Variants in SNU13 observed in about 807,000 individuals in gnomAD.
SNU13 encodes NHP2-like protein 1.
Under a neutral mutation model 12.4 loss-of-function variants are expected in SNU13, and 2 were observed. The ratio of observed to expected loss-of-function variants is 0.16; its 90% CI spans 0.07 to 0.51. SNU13 has a LOEUF of 0.51. Among genes scored for constraint, SNU13 ranks in the 20% least tolerant of loss-of-function variants. SNU13 has a pLI of 0.96. For missense variants in SNU13, 66 were observed against 157.8 expected (o/e 0.42, Z 3.12); for synonymous variants, 68 against 66.5 (o/e 1.02, Z -0.11).
At chr22:41,687,425 A>G (rs1601577570) in intron 1 of SNU13, among the ~76,000 whole-genome samples, 1 of 152,344 alleles carries the variant, frequency 6.6e-6, no homozygotes, top group East Asian at 1.9e-4. Flanking sequence ...CAAATTCATA[A>G]AAGAGGAAGA....
chr22:41,687,087 G>A (rs150122580), intron 1 of SNU13, among the ~76,000 whole-genome samples: 2,347 of 151,860 alleles, frequency 0.015, 45 homozygotes, highest in Admixed American at 0.058. Context: ...CTCCCAAGTA[G>A]CTGGGATTAC....
At chr22:41,679,578 A>C (rs533551457) in intron 2 of SNU13, 1 of 151,936 alleles carries the variant, frequency 6.6e-6, no homozygotes, top group Admixed American at 6.6e-5. Context: ...ATAAATAAAT[A>C]AAATAAAATT....
rs1315376495 is a variant in SNU13 at position 41,675,184 on chromosome 22, G to A, written c.136C>T (p.Leu46Phe). 6.2e-7 allele frequency: 1 copy of A among 1,613,496 alleles called. No homozygotes were observed. The highest frequency in any genetic ancestry group is 1.1e-5 in the South Asian group (1 of 91,072). ...ATGAACTCAGAGATGCCCCTGTTGA[G>A]GGTTTTGGTGGCTGCGGAGAGAAGG... ...RKGANEATKT[L>F]NRGISEFIVM... Residue 46 changes from leucine to phenylalanine, a missense_variant, in exon 3 of 3, where the codon CTC becomes TTC. Coordinates refer to ENST00000401959, the MANE Select transcript of SNU13 (RefSeq NM_001003796.2).
At position 41,674,116 on chromosome 22, in the gene SNU13, T is replaced by G. The variant is rs1294876214; in HGVS notation, c.*817A>C. ...GTCCCATTCACCAGAGACAGGCTGT[T>G]TCCTTGGACTCCACCATCTCTGTTA... On this transcript the variant is annotated 3_prime_UTR_variant, in exon 3 of 3. Transcript: ENST00000401959. 6.6e-6 allele frequency: 1 copy of G among 152,256 alleles called. No individual in the cohort carries two copies. The highest frequency in any genetic ancestry group is 2.4e-5 in the African/African-American group (1 of 41,448). The allele number at this position is 152,256 out of a possible 1,614,324, so 9.4% of individuals were successfully genotyped here.
intron 2 of SNU13, among the ~76,000 whole-genome samples, chr22:41,678,852 T>C (rs769315511): frequency 8.5e-5 from 13 of 152,210 alleles, no homozygotes; most frequent in African/African-American, 1.4e-4. Context: ...GCGATTGTAA[T>C]AGTTCTCCTA....
intron 1 of SNU13, chr22:41,682,602 G>A (rs2068274723): frequency 7.0e-6 from 10 of 1,424,990 alleles, no homozygotes; most frequent in Non-Finnish European, 9.2e-6. Context: ...GAAGAATTAG[G>A]TGAAGGATGG....
chr22:41,688,444 T>C (rs1478891079), intron 1 of SNU13: 1 of 282,952 alleles, frequency 3.5e-6, no homozygotes, highest in Non-Finnish European at 6.5e-6. Flanking sequence ...AAAAAAAAAG[T>C]TGGAGCCAAG....
intron 1 of SNU13, chr22:41,682,434 G>A (rs2068272576): frequency 1.2e-6 from 2 of 1,611,210 alleles, no homozygotes; most frequent in Non-Finnish European, 8.5e-7. Context: ...CTGCTGCCCA[G>A]CACCGCAAGG....
At chr22:41,688,396 C>G (rs1461026680) in intron 1 of SNU13, 1 of 173,140 alleles carries the variant, frequency 5.8e-6, no homozygotes, top group Non-Finnish European at 1.2e-5. Flanking sequence ...TCCCAGGGTC[C>G]CACGCCATCG....
Position 41,675,003 on chromosome 22 carries a change from A to T in SNU13, c.317T>A (p.Ile106Asn), listed in dbSNP as rs2068199021. ...CTGTTTCAGCTGCGAGCCTTCTTTG[A>T]TGGTGACAGAACAGGCGATGACAGG... ...SRPVIACSVTIKEGSQLKQQI... is the reference protein window; with the variant it reads ...SRPVIACSVTNKEGSQLKQQI... The change falls in exon 3 of 3, where the codon ATC (isoleucine) becomes AAC (asparagine). Residue 106 changes from isoleucine (I) to asparagine (N), a missense_variant. By Grantham distance (149) the Ile-to-Asn change is moderately radical. Transcript: ENST00000401959. 6.2e-7 allele frequency: 1 copy of T among 1,614,042 alleles called. No homozygotes were observed. Among genetic ancestry groups the T allele is most frequent in the African/African-American group, 1.3e-5 (1 of 74,910 alleles).
intron 2 of SNU13, among the ~76,000 whole-genome samples, 173 bp from the exon 3 acceptor site, chr22:41,675,368 T>C (rs181157497): frequency 2.6e-5 from 4 of 152,172 alleles, no homozygotes; most frequent in African/African-American, 9.6e-5. Flanking sequence ...TCTCAAGCCC[T>C]ACATTAAATC....
chr22:41,685,598 C>T (rs1601576104), intron 1 of SNU13, among the ~76,000 whole-genome samples: 2 of 151,410 alleles, frequency 1.3e-5, no homozygotes, highest in Admixed American at 6.6e-5. Flanking sequence ...GTGATCCGCC[C>T]ACCTCAGCCT....
intron 1 of SNU13, 61 bp downstream of exon 1, chr22:41,688,733 G>T (rs2068333512): frequency 6.3e-7 from 1 of 1,590,274 alleles, no homozygotes; most frequent in Non-Finnish European, 8.6e-7. Context: ...TAACAGGCTA[G>T]GGAGTGAACG....
At chr22:41,685,279 G>A (rs1188318531) in intron 1 of SNU13, among the ~76,000 whole-genome samples, 4 of 151,940 alleles carry the variant, frequency 2.6e-5, no homozygotes, top group African/African-American at 7.3e-5. Flanking sequence ...GGGCTCAAGC[G>A]ATCCTCCTGC....
chr22:41,683,794 C>A (rs541270437), intron 1 of SNU13, among the ~76,000 whole-genome samples: 3 of 152,216 alleles, frequency 2.0e-5, no homozygotes, highest in Non-Finnish European at 4.4e-5. Context: ...ACTTTGACAA[C>A]AGTGTCAAAC....
intron 1 of SNU13, among the ~76,000 whole-genome samples, chr22:41,686,721 G>A (rs1033715566): frequency 2.7e-5 from 4 of 148,242 alleles, no homozygotes; most frequent in South Asian, 2.2e-4. Context: ...CCGCCTCCCC[G>A]GTTATAGTGA....
At chr22:41,682,213 C>T (rs1301105426) in intron 1 of SNU13, 5 of 827,434 alleles carry the variant, frequency 6.0e-6, no homozygotes, top group African/African-American at 1.7e-5. Context: ...GCGCCTGCCT[C>T]GGTGGTCTCC....
chr22:41,675,235 C>T (rs765610658), intron 2 of SNU13, 40 bp from the exon 3 acceptor site: 1 of 1,599,248 alleles, frequency 6.3e-7, no homozygotes, highest in Middle Eastern at 1.7e-4. Context: ...GTGATGTGGG[C>T]TTGGGCAGGG....
chr22:41,676,977 A>C (rs1470207009), intron 2 of SNU13, among the ~76,000 whole-genome samples: 1 of 152,126 alleles, frequency 6.6e-6, no homozygotes. Context: ...GGGTACCACC[A>C]CAGTTGCTAT....
Sources: gnomAD v4.1 joint callset for allele counts (sites outside exome capture counted in the v4.1 genomes callset) on GRCh38, gnomAD v4.1.1 for gene constraint, MANE v1.5 for transcripts, NCBI Gene and HGNC (gene_info 2026-07-23, HGNC 2026-07-21) for gene names.